The following FOCAD variants were observed in gnomAD, a reference collection of about 807,000 sequenced individuals.
FOCAD encodes the protein focadhesin.
Under a neutral mutation model 225.6 loss-of-function variants are expected in FOCAD, and 198 were observed. The ratio of observed to expected loss-of-function variants is 0.88; its 90% confidence interval spans 0.78 to 0.99. FOCAD has a LOEUF of 0.99. Among genes scored for constraint, FOCAD ranks in the 50% least tolerant of loss-of-function variants. The pLI is 0.00. For synonymous variants in FOCAD, 897 were observed against 755.0 expected, an observed-to-expected ratio of 1.19 and a Z score of -3.08; for missense variants, 2,713 against 2,123.6, an observed-to-expected ratio of 1.28 and a Z score of -5.46.
chr9:20,824,703 C>T (rs1369085552), intron 15 of FOCAD, among the ~76,000 whole-genome samples: 3 of 151,924 alleles, frequency 2.0e-5, no homozygotes. Context: ...TTTGTTCCTT[C>T]AAATGAGGAT....
At chr9:20,673,388 A>G (rs951010763) in intron 2 of FOCAD, among the ~76,000 whole-genome samples, 1 of 152,182 alleles carries the variant, frequency 6.6e-6, no homozygotes, top group African/African-American at 2.4e-5. Flanking sequence ...ATTTCCATCG[A>G]CAATGTGTAA....
chr9:20,725,230 T>G (rs1318066041), intron 4 of FOCAD, among the ~76,000 whole-genome samples: 1 of 152,218 alleles, frequency 6.6e-6, no homozygotes, highest in East Asian at 1.9e-4. Flanking sequence ...GGTGAGACAG[T>G]TTGGGTCTTC....
At chr9:20,791,047 C>G (rs190308578) in intron 11 of FOCAD, among the ~76,000 whole-genome samples, 97 of 152,250 alleles carry the variant, frequency 6.4e-4, no homozygotes, top group African/African-American at 2.2e-3. Flanking sequence ...CTGCTTCTAA[C>G]CAATGTTTTC....
At position 20,720,241 on chromosome 9, in the gene FOCAD, C is replaced by G. The variant is rs1017417388; in HGVS notation, c.133-139C>G. ...AATTGACTTCATTTTATTCTAGGAA[C>G]AGAGTGACAACAGCATCATCTTTAT... On this transcript the variant is annotated intron_variant, in intron 3 of 43. Transcript: ENST00000338382. 2.5e-5 allele frequency: 20 copies of G among 812,686 alleles called. No individual in the cohort carries two copies. In the African/African-American group the frequency reaches 2.6e-4, roughly 10 times the overall value. The allele number at this position is 812,686 out of a possible 1,614,324, so 50.3% of individuals were successfully genotyped here.
At chr9:20,917,552 G>C (rs1177169069) in intron 24 of FOCAD, among the ~76,000 whole-genome samples, 3 of 152,028 alleles carry the variant, frequency 2.0e-5, no homozygotes, top group African/African-American at 7.2e-5. Flanking sequence ...CAACTGACAA[G>C]CTGACTAATT....
Position 20,781,856 on chromosome 9 carries a change from C to T in FOCAD, c.1124C>T (p.Pro375Leu), listed in dbSNP as rs1001970680. 8 of 1,614,058 alleles carry T rather than the reference C, an allele frequency of 5.0e-6. No homozygotes were observed. The highest frequency in any genetic ancestry group is 6.8e-6 in the Non-Finnish European group (8 of 1,179,966). The change falls in exon 10 of 44, where the codon CCC (proline) becomes CTC (leucine). Residue 375 changes from proline to leucine, a missense_variant. Physicochemically the swap from Pro to Leu is moderately conservative, Grantham distance 98. Coordinates refer to ENST00000338382, the MANE Select transcript of FOCAD (RefSeq NM_001375567.1). ...TGTATATCTGTGGATGAAGAAGGTC[C>T]CTCTAGGCAGCAGTTGGCTCTAAAC... ...EDCISVDEEGPSRQQLALNLL... is the reference protein window; with the variant it reads ...EDCISVDEEGLSRQQLALNLL...
At chr9:20,913,051 AC>A in intron 23 of FOCAD, 97 bp downstream of exon 23, 1 of 937,992 alleles carries the variant, frequency 1.1e-6, no homozygotes, top group Non-Finnish European at 1.7e-6. Flanking sequence ...AGCAGGTTTA[AC>A]CTCTATATGT....
chr9:20,866,917 T>TTTAAACAAAAA lies in FOCAD; in HGVS notation c.2107-12_2107-11insTTAAACAAAAA. 1 of 764,972 alleles carries TTTAAACAAAAA rather than the reference T, an allele frequency of 1.3e-6. No individual in the cohort carries two copies. Among genetic ancestry groups the TTTAAACAAAAA allele is most frequent in the Non-Finnish European group, 2.0e-6 (1 of 498,468 alleles). The allele number at this position is 764,972 out of a possible 1,614,324, so 47.4% of individuals were successfully genotyped here. ...TTTTTTTTTTTTTTTTTTTTTTTTT[T>TTTAAACAAAAA]ACCCTATCTAGGACCCAATTGTAGC... On this transcript the variant is annotated splice_polypyrimidine_tract_variant and intron_variant, in intron 17 of 43. Transcript: ENST00000338382.
At chr9:20,871,031 C>T (rs916868680) in intron 18 of FOCAD, among the ~76,000 whole-genome samples, 3 of 151,878 alleles carry the variant, frequency 2.0e-5, no homozygotes, top group African/African-American at 7.3e-5. Flanking sequence ...GGTGAAACCC[C>T]CTCTCAACTA....
At chr9:20,682,858 C>T (rs1822441857), upstream of FOCAD, among the ~76,000 whole-genome samples, 1 of 152,154 alleles carries the variant, frequency 6.6e-6, no homozygotes, top group African/African-American at 2.4e-5. Flanking sequence ...GCAACCTCCG[C>T]CTCCCGGGTT....
chr9:20,986,266 A>ATTTTTTTGTTTTTTTTTT, intron 39 of FOCAD, 22 bp from the exon 40 acceptor site: 1 of 705,686 alleles, frequency 1.4e-6, no homozygotes, highest in Non-Finnish European at 1.8e-6. Flanking sequence ...TAACTAAACA[A>ATTTTTTTGTTTTTTTTTT]TTTTTTTTTT....
chr9:20,978,421 G>A lies in FOCAD; in HGVS notation c.4344G>A (p.Leu1448=). 1 of 1,611,974 alleles carries A rather than the reference G, an allele frequency of 6.2e-7. No homozygotes were observed. Among genetic ancestry groups the A allele is most frequent in the Non-Finnish European group, 8.5e-7 (1 of 1,178,910 alleles). The change falls in exon 37 of 44, where the codon TTG becomes TTA. Residue 1448 remains leucine (L), a synonymous_variant. Coordinates refer to ENST00000338382, the MANE Select transcript of FOCAD (RefSeq NM_001375567.1). ...SSQNAAALLG[L]WVTPPLIHSL... is the part of the protein sequence containing the mutation. ...AGAATGCAGCTGCACTATTGGGCTT[G>A]TGGGTGACACCACCACTGATCCACA...
At chr9:20,808,241 A>T (rs1382541046) in intron 11 of FOCAD, among the ~76,000 whole-genome samples, 1 of 152,144 alleles carries the variant, frequency 6.6e-6, no homozygotes, top group Non-Finnish European at 1.5e-5. Flanking sequence ...AGCCAGCCTC[A>T]ATACCTATAC....
At chr9:20,737,074 T>A (rs1199748842) in intron 4 of FOCAD, among the ~76,000 whole-genome samples, 1 of 152,134 alleles carries the variant, frequency 6.6e-6, no homozygotes, top group Admixed American at 6.6e-5. Flanking sequence ...AAAATTATAA[T>A]CTACTCATGC....
chr9:20,711,213 G>C (rs1347021155), intron 1 of FOCAD, among the ~76,000 whole-genome samples: 2 of 152,194 alleles, frequency 1.3e-5, no homozygotes, highest in Non-Finnish European at 2.9e-5. Context: ...GAAGCATATA[G>C]GAGACATTTT....
At chr9:20,951,422 C>T (rs1160316111) in intron 34 of FOCAD, among the ~76,000 whole-genome samples, 4 of 151,996 alleles carry the variant, frequency 2.6e-5, no homozygotes, top group Non-Finnish European at 2.9e-5. Context: ...ACTCATGGCT[C>T]GGAAAGATTA....
chr9:20,672,660 G>A (rs7851878), intron 2 of FOCAD, among the ~76,000 whole-genome samples: 32,571 of 152,038 alleles, frequency 0.21, 3,790 homozygotes, highest in African/African-American at 0.31. Flanking sequence ...CACATTGGCC[G>A]GGCTGGTCTT....
At chr9:20,729,366 A>G (rs548782955) in intron 4 of FOCAD, among the ~76,000 whole-genome samples, 88 of 152,212 alleles carry the variant, frequency 5.8e-4, no homozygotes, top group African/African-American at 2.1e-3. Context: ...ACTTACCTGT[A>G]TATCTCTTTG....
chr9:20,954,318 A>G (rs1837946919), intron 35 of FOCAD, among the ~76,000 whole-genome samples: 1 of 152,196 alleles, frequency 6.6e-6, no homozygotes, highest in South Asian at 2.1e-4. Flanking sequence ...CTAAATGAGA[A>G]TCTAAAATTT....
Sources: gnomAD v4.1 joint callset for allele counts (sites outside exome capture counted in the v4.1 genomes callset) on GRCh38, gnomAD v4.1.1 for gene constraint, MANE v1.5 for transcripts, NCBI Gene and HGNC (gene_info 2026-07-23, HGNC 2026-07-21) for gene names.